The following CCNY variants were observed in gnomAD, a reference collection of about 807,000 sequenced individuals.
CCNY encodes the protein cyclin Y, also known as cyclin-Y.
Under a neutral mutation model 42.8 loss-of-function variants are expected in CCNY, and 19 were observed. That is an observed-to-expected ratio of 0.44 (90% CI 0.31 to 0.65). CCNY has a LOEUF of 0.65. CCNY is among the 30% of genes least tolerant of loss of function. The pLI is 0.07. For missense variants in CCNY, 370 were observed against 437.3 expected (o/e 0.85, Z 1.37); for synonymous variants, 165 against 162.7 (o/e 1.01, Z -0.11).
intron 1 of CCNY, among the ~76,000 whole-genome samples, chr10:35,392,274 A>G (rs1235713085): frequency 2.0e-5 from 3 of 152,194 alleles, no homozygotes; most frequent in Admixed American, 6.5e-5. Context: ...TTTTATTTTT[A>G]TGGCAAAGGA....
intron 1 of CCNY, among the ~76,000 whole-genome samples, chr10:35,359,375 C>T (rs2135152298): frequency 6.6e-6 from 1 of 152,266 alleles, no homozygotes; most frequent in South Asian, 2.1e-4. Flanking sequence ...TTTGGAGCCA[C>T]TGGACTGTGG....
chr10:35,527,209 A>G (rs1589182271), intron 5 of CCNY, among the ~76,000 whole-genome samples: 1 of 152,220 alleles, frequency 6.6e-6, no homozygotes, highest in Admixed American at 6.5e-5. Flanking sequence ...TTGGAACTCT[A>G]AATCTTGAAT....
At chr10:35,345,466 CAAAA>C (rs568926736) in intron 1 of CCNY, among the ~76,000 whole-genome samples, 1 of 68,430 alleles carries the variant, frequency 1.5e-5, no homozygotes, top group African/African-American at 4.4e-5. Context: ...GACTCCATCT[CAAAA>C]AAAAAAAAAA....
intron 1 of CCNY, among the ~76,000 whole-genome samples, chr10:35,362,559 G>A (rs751208441): frequency 6.7e-6 from 1 of 150,348 alleles, no homozygotes; most frequent in Non-Finnish European, 1.5e-5. Context: ...GGACCTGAAT[G>A]CCAAGCTAGA....
At chr10:35,332,952 G>A (rs1835963740), upstream of CCNY, among the ~76,000 whole-genome samples, 1 of 152,164 alleles carries the variant, frequency 6.6e-6, no homozygotes, top group African/African-American at 2.4e-5. Flanking sequence ...TTCTTCAACA[G>A]TGATCATGGA....
At chr10:35,556,377 C>T (rs550670581) in intron 8 of CCNY, among the ~76,000 whole-genome samples, 1 of 152,288 alleles carries the variant, frequency 6.6e-6, no homozygotes, top group Non-Finnish European at 1.5e-5. Flanking sequence ...ACTGCAGGCC[C>T]TGAGTAGGCA....
chr10:35,540,463 A>C (rs1840976274), intron 7 of CCNY, among the ~76,000 whole-genome samples: 1 of 152,082 alleles, frequency 6.6e-6, no homozygotes, highest in East Asian at 1.9e-4. Context: ...TTTGTTGATA[A>C]TTACATCCAT....
intron 1 of CCNY, among the ~76,000 whole-genome samples, chr10:35,404,414 A>G (rs1003188965): frequency 6.6e-6 from 1 of 152,188 alleles, no homozygotes; most frequent in African/African-American, 2.4e-5. Context: ...TTTAAGGAAC[A>G]GAAAGAGGAG....
chr10:35,393,112 C>T (rs752183487), intron 1 of CCNY, among the ~76,000 whole-genome samples: 5 of 152,142 alleles, frequency 3.3e-5, no homozygotes, highest in Non-Finnish European at 7.3e-5. Flanking sequence ...AGTTGAGCTC[C>T]GTCTCCTTCC....
intron 7 of CCNY, among the ~76,000 whole-genome samples, chr10:35,549,447 AT>A (rs1167994188): frequency 6.6e-6 from 1 of 150,780 alleles, no homozygotes; most frequent in Non-Finnish European, 1.5e-5. Context: ...TGCGCTGCTC[AT>A]GACACATGAC....
At chr10:35,393,610 C>T (rs554217602) in intron 1 of CCNY, among the ~76,000 whole-genome samples, 2 of 152,294 alleles carry the variant, frequency 1.3e-5, no homozygotes, top group African/African-American at 4.8e-5. Context: ...ACATCTTTTC[C>T]CTTCTCTGGC....
intron 7 of CCNY, among the ~76,000 whole-genome samples, chr10:35,543,169 T>C (rs1170317232): frequency 6.6e-6 from 1 of 152,238 alleles, no homozygotes; most frequent in Non-Finnish European, 1.5e-5. Context: ...TGTAAAATAC[T>C]GTGTGTGTTG....
chr10:35,569,732 C>T lies in CCNY; in HGVS notation c.*562C>T, dbSNP rs1357039063. 1 of 155,666 alleles carries T rather than the reference C, an allele frequency of 6.4e-6. No individual in the cohort carries two copies. The highest frequency in any genetic ancestry group is 1.4e-5 in the Non-Finnish European group (1 of 69,862). 9.6% of individuals were successfully genotyped at this position (155,666 alleles called of 1,614,324 possible). On this transcript the variant is annotated 3_prime_UTR_variant, in exon 10 of 10. Transcript: ENST00000374704. ...TCCAAATAAATAGTACTGGTCATTT[C>T]TCTCTGCACTATTTCTGCGCGCTGT...
At chr10:35,300,196 G>C (rs983434267) in intron 3 of CCNY, among the ~76,000 whole-genome samples, 2 of 152,216 alleles carry the variant, frequency 1.3e-5, no homozygotes, top group Non-Finnish European at 2.9e-5. Context: ...TCGAGCTCTT[G>C]CTCTGTCTAG....
chr10:35,290,381 A>G (rs1449800935), intron 3 of CCNY, among the ~76,000 whole-genome samples: 2 of 151,796 alleles, frequency 1.3e-5, no homozygotes, highest in Non-Finnish European at 1.5e-5. Flanking sequence ...GTGCCACTGC[A>G]CTCTAGCCTG....
chr10:35,362,745 C>T (rs916416639), intron 1 of CCNY, among the ~76,000 whole-genome samples: 1 of 147,838 alleles, frequency 6.8e-6, no homozygotes, highest in Non-Finnish European at 1.5e-5. Context: ...GACGGGGCTG[C>T]GGCCAGGCAG....
chr10:35,530,198 G>C lies in CCNY; in HGVS notation c.534G>C (p.Leu178=), dbSNP rs774461175. The change falls in exon 7 of 10, where the codon CTG becomes CTC. Residue 178 remains leucine, a synonymous_variant. Coordinates refer to ENST00000374704, the MANE Select transcript of CCNY (RefSeq NM_145012.6). This position sits in a 1 kb window ranked among gnomAD's most constrained non-coding sequence, Gnocchi z 4.3. ...AGATTTACCGGTTCGTTCGGACACTGTTCAGTGCTGCTCAGCTGACGGCTG... is the reference window on the plus strand; with the variant it reads ...AGATTTACCGGTTCGTTCGGACACTCTTCAGTGCTGCTCAGCTGACGGCTG... The part of the protein sequence containing the change: ...QKQIYRFVRT[L]FSAAQLTAEC... 9 of 1,614,240 alleles carry C rather than the reference G, an allele frequency of 5.6e-6. No homozygotes were observed. Among genetic ancestry groups the C allele is most frequent in the Non-Finnish European group, 7.6e-6 (9 of 1,180,028 alleles).
At chr10:35,349,728 C>T (rs749713326) in intron 1 of CCNY, among the ~76,000 whole-genome samples, 1 of 152,092 alleles carries the variant, frequency 6.6e-6, no homozygotes, top group Non-Finnish European at 1.5e-5. Context: ...GGATGTTTAG[C>T]GGCCTCCCAC....
chr10:35,408,198 C>G (rs1309280714), intron 1 of CCNY, among the ~76,000 whole-genome samples: 1 of 152,136 alleles, frequency 6.6e-6, no homozygotes. Flanking sequence ...AGTCTGAGGA[C>G]CTGAGGTCAT....
Sources: allele counts gnomAD v4.1 joint callset (sites outside exome capture counted in the v4.1 genomes callset), GRCh38; gene constraint gnomAD v4.1.1; non-coding constraint Gnocchi (gnomAD v3.1); transcripts MANE v1.5; gene names NCBI Gene and HGNC (gene_info 2026-07-23, HGNC 2026-07-21).